The following STXBP4 variants were observed in gnomAD, a reference collection of about 807,000 sequenced individuals.
STXBP4 encodes the protein syntaxin-binding protein 4.
Under a neutral mutation model 76.1 loss-of-function variants are expected in STXBP4, and 55 were observed. The observed-to-expected ratio is 0.72, with a 90% confidence interval of 0.58 to 0.91. The LOEUF (loss-of-function observed/expected upper bound fraction) is 0.91, where lower values mean the gene tolerates loss of function less well. STXBP4 is among the 40% of genes least tolerant of loss of function. STXBP4 has a pLI of 0.00. For missense variants in STXBP4, 618 were observed against 636.9 expected (o/e 0.97, Z 0.32); for synonymous variants, 201 against 220.2 (o/e 0.91, Z 0.77).
chr17:55,035,499 C>T (rs1013909666), intron 10 of STXBP4, among the ~76,000 whole-genome samples: 7 of 151,618 alleles, frequency 4.6e-5, no homozygotes, highest in South Asian at 2.1e-4. Context: ...TGTATGCTTG[C>T]GAAATGATCA....
chr17:54,979,699 C>A (rs1438901423), intron 1 of STXBP4, among the ~76,000 whole-genome samples: 2 of 152,160 alleles, frequency 1.3e-5, no homozygotes, highest in African/African-American at 4.8e-5. Context: ...TCTGACAAAG[C>A]ACTTTTCTTA....
the STXBP4 span, among the ~76,000 whole-genome samples, chr17:55,186,065 C>A: frequency 1.3e-5 from 2 of 152,146 alleles, no homozygotes; most frequent in Admixed American, 1.3e-4. Flanking sequence ...CTACGCCAAC[C>A]CCTTCCATAT....
At chr17:55,115,591 C>T (rs1488725571) in intron 16 of STXBP4, among the ~76,000 whole-genome samples, 1 of 151,790 alleles carries the variant, frequency 6.6e-6, no homozygotes, top group Non-Finnish European at 1.5e-5. Flanking sequence ...TAACTATACC[C>T]TCTTTTTTAT....
chr17:54,994,510 C>G (rs2077767895), intron 4 of STXBP4, among the ~76,000 whole-genome samples: 2 of 152,200 alleles, frequency 1.3e-5, no homozygotes, highest in African/African-American at 4.8e-5. Context: ...CTGTTCAATT[C>G]ATTAACACAT....
At chr17:55,122,179 G>A (rs1407435806) in intron 16 of STXBP4, among the ~76,000 whole-genome samples, 3 of 152,020 alleles carry the variant, frequency 2.0e-5, no homozygotes, top group South Asian at 2.1e-4. Context: ...TCAACAAACC[G>A]TTGTTAAACG....
In STXBP4 at chr17:55,004,357, C is replaced by T. The variant is rs549624729; in HGVS notation, c.575-3149C>T. Among the ~76,000 whole-genome samples the T allele has an allele frequency of 1.2e-3, 186 of 152,204 alleles. 1 individual carries two copies. Among genetic ancestry groups the T allele is most frequent in the Non-Finnish European group, 1.6e-3 (109 of 68,010 alleles). On this transcript the variant is annotated intron_variant, in intron 7 of 17. Coordinates refer to ENST00000376352, the MANE Select transcript of STXBP4 (RefSeq NM_178509.6). ...ATTAAGCAAATTGTATTGATCCTTTCCTTACAAAACATTCCTTTTCTTCTG... is the reference window on the plus strand; with the variant it reads ...ATTAAGCAAATTGTATTGATCCTTTTCTTACAAAACATTCCTTTTCTTCTG...
intron 16 of STXBP4, among the ~76,000 whole-genome samples, chr17:55,082,094 A>T (rs2079262875): frequency 6.6e-6 from 1 of 152,180 alleles, no homozygotes; most frequent in Non-Finnish European, 1.5e-5. Flanking sequence ...ACTGTAGAGG[A>T]GAAATAAGAG....
In STXBP4 at chr17:55,067,790, A is replaced by G. The variant is rs1387523685; in HGVS notation, c.1012-5110A>G. 2.6e-5 allele frequency among the ~76,000 whole-genome samples: 4 copies of G among 152,164 alleles called. No individual in the cohort carries two copies. The East Asian group carries it at 7.7e-4, about 29-fold the overall frequency. ...GAGGATAAAGACATAAATCAGTAAT[A>G]CAGTGGTTAGAATGGAAATTAAGCA... On this transcript the variant is annotated intron_variant, in intron 12 of 17. Transcript: ENST00000376352.
chr17:55,110,158 C>T (rs1185341355), intron 16 of STXBP4, among the ~76,000 whole-genome samples: 1 of 152,158 alleles, frequency 6.6e-6, no homozygotes, highest in Non-Finnish European at 1.5e-5. Context: ...AGTGGTCAGT[C>T]AAGCCCTTCT....
chr17:55,096,992 T>C (rs1438080335), intron 16 of STXBP4, among the ~76,000 whole-genome samples: 1 of 152,184 alleles, frequency 6.6e-6, no homozygotes, highest in African/African-American at 2.4e-5. Flanking sequence ...AATAAATAAA[T>C]AATAAATCTT....
intron 12 of STXBP4, among the ~76,000 whole-genome samples, chr17:55,056,128 A>G (rs1474938021): frequency 1.3e-5 from 2 of 152,188 alleles, no homozygotes; most frequent in African/African-American, 4.8e-5. Context: ...GCCACAATAT[A>G]TTGCTATATT....
In STXBP4 at chr17:55,173,421, T is replaced by C. The variant is rs1313445183; in HGVS notation, c.*13510T>C. The C allele has an allele frequency of 6.6e-6, 1 of 152,220 alleles. No individual in the cohort carries two copies. Among genetic ancestry groups the C allele is most frequent in the Non-Finnish European group, 1.5e-5 (1 of 68,048 alleles). 9.4% of individuals were successfully genotyped at this position (152,220 alleles called of 1,614,324 possible). ...AGAATATCATATAAATAATCATGTA[T>C]TATGTAACATTCTGAGACAGGCTTC... On this transcript the variant is annotated 3_prime_UTR_variant, in exon 18 of 18. Transcript: ENST00000376352.
intron 15 of STXBP4, among the ~76,000 whole-genome samples, chr17:55,080,063 C>T (rs2079237263): frequency 6.6e-6 from 1 of 152,032 alleles, no homozygotes; most frequent in South Asian, 2.1e-4. Flanking sequence ...AAGTGTGTCA[C>T]CCACCCTCAG....
chr17:54,989,197 T>A lies in STXBP4; in HGVS notation c.48-1628T>A, dbSNP rs1161448487. ...ATCTTGGCTCACAGCAAGCTCTGCC[T>A]CCCGGGTTCACGCCATTCTCCTGCC... On this transcript the variant is annotated intron_variant, in intron 3 of 17. Coordinates refer to ENST00000376352, the MANE Select transcript of STXBP4 (RefSeq NM_178509.6). Among the ~76,000 whole-genome samples, 3 of 152,306 alleles carry A rather than the reference T, an allele frequency of 2.0e-5. No homozygotes were observed. In the East Asian group the frequency reaches 5.8e-4, roughly 29 times the overall value.
At position 55,118,090 on chromosome 17, in the gene STXBP4, A is replaced by G. The variant is rs141050602; in HGVS notation, c.1490-23220A>G. 3.3e-3 allele frequency among the ~76,000 whole-genome samples: 509 copies of G among 152,078 alleles called. 2 individuals carry two copies. The highest frequency in any genetic ancestry group is 0.011 in the African/African-American group (473 of 41,542). On this transcript the variant is annotated intron_variant, in intron 16 of 17. Transcript: ENST00000376352. ...ATGTCACGCATTTTGCTAGGCCCAT[A>G]GTATGCAAGGATGGATGAAACAGAC...
chr17:55,158,455 C>G (rs2080304724), intron 17 of STXBP4, among the ~76,000 whole-genome samples: 1 of 152,052 alleles, frequency 6.6e-6, no homozygotes, highest in South Asian at 2.1e-4. Flanking sequence ...TGGGGTAAAC[C>G]AGGGCTAGAA....
chr17:55,185,242 T>TCTC, the STXBP4 span, among the ~76,000 whole-genome samples: 1 of 50,340 alleles, frequency 2.0e-5, no homozygotes, highest in Admixed American at 1.7e-4. Flanking sequence ...TTCTTCTTCT[T>TCTC]CTTCTTCTCC....
At chr17:55,095,743 T>G (rs558145402) in intron 16 of STXBP4, among the ~76,000 whole-genome samples, 1 of 152,262 alleles carries the variant, frequency 6.6e-6, no homozygotes, top group African/African-American at 2.4e-5. Flanking sequence ...GAGAGAGACA[T>G]TATTCTTTTT....
chr17:55,104,388 T>A (rs1598316321), intron 16 of STXBP4, among the ~76,000 whole-genome samples: 1 of 152,214 alleles, frequency 6.6e-6, no homozygotes, highest in South Asian at 2.1e-4. Flanking sequence ...GATAATCATG[T>A]GGTTTTTGTC....
Sources: allele counts gnomAD v4.1 joint callset (sites outside exome capture counted in the v4.1 genomes callset), GRCh38; gene constraint gnomAD v4.1.1; transcripts MANE v1.5; gene names NCBI Gene and HGNC (gene_info 2026-07-23, HGNC 2026-07-21).